CDC25A: variants seen among roughly 807,000 people sequenced by gnomAD.
The protein encoded by CDC25A is cell division cycle 25A, also known as M-phase inducer phosphatase 1.
CDC25A carries 17 observed loss-of-function variants against 64.6 expected under a neutral mutation model. The observed-to-expected ratio is 0.26, with a 90% CI of 0.18 to 0.39. The LOEUF (loss-of-function observed/expected upper bound fraction) is 0.39. CDC25A is among the 10% of genes least tolerant of loss of function. The pLI, the probability that CDC25A is intolerant of heterozygous loss-of-function variation, is 1.00. For missense variants in CDC25A, 473 were observed against 654.8 expected (o/e 0.72, Z 3.03); for synonymous variants, 229 against 238.6 (o/e 0.96, Z 0.37).
At chr3:48,177,159 C>T (rs2032494844) in intron 8 of CDC25A, among the ~76,000 whole-genome samples, 1 of 152,122 alleles carries the variant, frequency 6.6e-6, no homozygotes, top group South Asian at 2.1e-4. Flanking sequence ...TGACCATGGT[C>T]CCTCCTAACC....
rs755018719 is a variant in CDC25A at position 48,184,657 on chromosome 3, C to G, written c.286G>C (p.Glu96Gln). 15 of 1,590,916 alleles carry G rather than the reference C, an allele frequency of 9.4e-6. No homozygotes were observed. The highest frequency in any genetic ancestry group is 1.4e-5 in the African/African-American group (1 of 73,364). ...TTGAAAGCAGTGAATACATACTTTT[C>G]TTTACTGTCCAATGGCCCAGGAGAA... ...LDSPGPLDSK[E>Q]NLENPMRRIH... Residue 96 changes from glutamate (E) to glutamine (Q), a missense_variant, in exon 3 of 15, where the codon GAA (glutamate) becomes CAA (glutamine). Physicochemically the swap from Glu to Gln is conservative, Grantham distance 29. Around this residue, in one of 2 missense-constraint regions of CDC25A, gnomAD observed 376 missense variants for 431.9 expected, o/e 0.87. Transcript: ENST00000302506.
Position 48,187,788 on chromosome 3 carries a change from C to T in CDC25A, c.160G>A (p.Gly54Ser), listed in dbSNP as rs1358542494. 1 of 1,546,342 alleles carries T rather than the reference C, an allele frequency of 6.5e-7. No individual in the cohort carries two copies. The highest frequency in any genetic ancestry group is 2.0e-5 in the Admixed American group (1 of 50,862). Residue 54 changes from glycine (G) to serine (S), a missense_variant, in exon 1 of 15, where the codon GGT (glycine) becomes AGT (serine). Physicochemically the swap from Gly to Ser is moderately conservative, Grantham distance 56. Transcript: ENST00000302506. Reference sequence around the variant, plus strand: ...CCGGTCTCTCCTTACCTGCCCAGACCCTGCAGCTGGTCCATAGTGACGGTC... The same window carrying T: ...CCGGTCTCTCCTTACCTGCCCAGACTCTGCAGCTGGTCCATAGTGACGGTC... ...NLTVTMDQLQ[G>S]LGSDYEQPLE... is the part of the protein sequence containing the mutation.
At chr3:48,164,977 G>C (rs1372144610) in intron 12 of CDC25A, among the ~76,000 whole-genome samples, 1 of 151,330 alleles carries the variant, frequency 6.6e-6, no homozygotes, top group Admixed American at 6.6e-5. Context: ...GGGCGTGGCA[G>C]CGTGCACCTG....
intron 12 of CDC25A, 43 bp from the exon 13 acceptor site, chr3:48,164,480 C>T (rs760043297): frequency 2.8e-6 from 4 of 1,444,212 alleles, no homozygotes; most frequent in Non-Finnish European, 3.7e-6. Flanking sequence ...ACGTTTCACA[C>T]ATGAAGTAAT....
At chr3:48,181,489 G>A (rs1315462451) in intron 5 of CDC25A, 2 of 832,198 alleles carry the variant, frequency 2.4e-6, no homozygotes, top group Non-Finnish European at 4.1e-6. Flanking sequence ...TGGCGTGGGT[G>A]GCTGAGTTCC....
intron 5 of CDC25A, 126 bp from the exon 6 acceptor site, chr3:48,180,966 C>A: frequency 1.2e-6 from 1 of 800,990 alleles, no homozygotes; most frequent in Non-Finnish European, 2.0e-6. Flanking sequence ...CACCTAATTC[C>A]AACAATAGAT....
intron 9 of CDC25A, among the ~76,000 whole-genome samples, chr3:48,169,319 C>G (rs2032178362): frequency 1.3e-5 from 2 of 152,188 alleles, no homozygotes; most frequent in South Asian, 2.1e-4. Context: ...AAAATCTGGG[C>G]AGCAATCACC....
intron 13 of CDC25A, among the ~76,000 whole-genome samples, chr3:48,159,736 G>A (rs1478465943): frequency 2.0e-5 from 3 of 152,128 alleles, no homozygotes; most frequent in Non-Finnish European, 4.4e-5. Context: ...TTTGTGGCAA[G>A]TTTTCACTAT....
At chr3:48,185,415 C>G (rs1575274701) in intron 2 of CDC25A, among the ~76,000 whole-genome samples, 1 of 140,478 alleles carries the variant, frequency 7.1e-6, no homozygotes, top group African/African-American at 2.8e-5. Context: ...AGAGCAAGAC[C>G]CTGTCTCAAA....
chr3:48,174,144 C>G (rs1029078013), intron 9 of CDC25A, 140 bp downstream of exon 9: 1 of 718,776 alleles, frequency 1.4e-6, no homozygotes, highest in East Asian at 2.7e-5. Flanking sequence ...AAGAAACACA[C>G]ACACACCCAC....
At position 48,188,047 on chromosome 3, in the gene CDC25A, G is replaced by T. The variant is rs1050547421; in HGVS notation, c.-100C>A. ...CCGGCCTCGGCCGCGCGCCACCGGC[G>T]CCCGCGGGTCAAACACAAACACGAC... On this transcript the variant is annotated 5_prime_UTR_variant, in exon 1 of 15. Transcript: ENST00000302506. The T allele has an allele frequency of 9.7e-7, 1 of 1,034,106 alleles. No homozygotes were observed. The highest frequency in any genetic ancestry group is 1.2e-6 in the Non-Finnish European group (1 of 803,338). The allele number at this position is 1,034,106 out of a possible 1,614,324, so 64.1% of individuals were successfully genotyped here. A position where few individuals can be genotyped will look rare whatever the true frequency, so the allele number is the denominator to read the frequency against.
chr3:48,160,411 CTTTTT>C (rs35304690), intron 13 of CDC25A, among the ~76,000 whole-genome samples: 1 of 130,314 alleles, frequency 7.7e-6, no homozygotes, highest in Non-Finnish European at 1.6e-5. Flanking sequence ...ACCCAGTCAC[CTTTTT>C]TTTTTTTTTT....
chr3:48,161,183 C>T (rs2031746531), intron 13 of CDC25A: 1 of 148,202 alleles, frequency 6.7e-6, no homozygotes, highest in African/African-American at 2.5e-5. Flanking sequence ...AAAGAGTTCA[C>T]CTGTGAATCC....
At chr3:48,162,265 T>TG (rs1559955714) in intron 13 of CDC25A, among the ~76,000 whole-genome samples, 3 of 108,850 alleles carry the variant, frequency 2.8e-5, no homozygotes, top group African/African-American at 7.8e-5. Flanking sequence ...AAGTATAACC[T>TG]TTGTGTGTGT....
chr3:48,186,712 T>C lies in CDC25A; in HGVS notation c.238A>G (p.Thr80Ala). Residue 80 changes from threonine (T) to alanine (A), a missense_variant, in exon 2 of 15, where the codon ACA (threonine) becomes GCA (alanine). Transcript: ENST00000302506. ...CAGCAGACTTAAATACCTGAATCTG[T>C]TGACTCGGAGGAGCCCATTCTCTGC... ...NLQRMGSSESTDSGFCLDSPG... is the reference protein window; with the variant it reads ...NLQRMGSSESADSGFCLDSPG... 6.3e-7 allele frequency: 1 copy of C among 1,595,360 alleles called. No individual in the cohort carries two copies. Among genetic ancestry groups the C allele is most frequent in the South Asian group, 1.1e-5 (1 of 89,254 alleles).
At chr3:48,165,975 A>G in intron 10 of CDC25A, 82 bp from the exon 11 acceptor site, 1 of 992,004 alleles carries the variant, frequency 1.0e-6, no homozygotes, top group Non-Finnish European at 1.6e-6. Flanking sequence ...GGCTGGTAGG[A>G]GGCATCTTTT....
intron 10 of CDC25A, among the ~76,000 whole-genome samples, 166 bp downstream of exon 10, chr3:48,167,680 C>T (rs775080906): frequency 6.6e-6 from 1 of 152,190 alleles, no homozygotes; most frequent in Non-Finnish European, 1.5e-5. Context: ...CCAACATATA[C>T]CTGATCATGA....
chr3:48,159,214 TTC>T (rs1385217432), intron 14 of CDC25A, 128 bp downstream of exon 14: 3 of 1,308,566 alleles, frequency 2.3e-6, no homozygotes, highest in African/African-American at 1.5e-5. Flanking sequence ...TACAGGGGCT[TTC>T]TTTGGGTTCA....
At chr3:48,181,513 T>C in intron 5 of CDC25A, 1 of 1,158,832 alleles carries the variant, frequency 8.6e-7, no homozygotes, top group Non-Finnish European at 1.3e-6. Flanking sequence ...TTGCCCTTGG[T>C]CTCGGGGTCG....
Sources: allele counts gnomAD v4.1 joint callset (sites outside exome capture counted in the v4.1 genomes callset), GRCh38; gene constraint gnomAD v4.1.1; regional missense constraint gnomAD v4.1.1; transcripts MANE v1.5; gene names NCBI Gene and HGNC (gene_info 2026-07-23, HGNC 2026-07-21).